The following EEA1 variants were observed in gnomAD, a reference collection of about 807,000 sequenced individuals.
The protein encoded by EEA1 is early endosome antigen 1.
A neutral mutation model predicts 209.2 loss-of-function variants in EEA1; 111 were observed. That is an observed-to-expected ratio of 0.53 (90% confidence interval 0.45 to 0.62). EEA1 has a LOEUF of 0.62. Among genes scored for constraint, EEA1 ranks in the 20% least tolerant of loss-of-function variants. The pLI is 0.00. For missense variants in EEA1, 1,343 were observed against 1,530.8 expected (o/e 0.88, Z 2.05); for synonymous variants, 536 against 540.6 (o/e 0.99, Z 0.12).
At chr12:92,804,342 G>A (rs538431315) in intron 18 of EEA1, among the ~76,000 whole-genome samples, 2 of 152,098 alleles carry the variant, frequency 1.3e-5, no homozygotes, top group Non-Finnish European at 2.9e-5. Flanking sequence ...GGAGGCCAAG[G>A]TGGGCGGATC....
Position 92,781,944 on chromosome 12 carries a change from C to A in EEA1, c.3336+6G>T, listed in dbSNP as rs745391717. On this transcript the variant is annotated splice_donor_region_variant and intron_variant, in intron 23 of 28. Coordinates refer to ENST00000322349, the MANE Select transcript of EEA1 (RefSeq NM_003566.4). ...ATTGTAGATTTAGGTCAGAAACATG[C>A]AATACCTTTTCTTTCTGAATGTCTT... The A allele has an allele frequency of 4.4e-6, 7 of 1,600,980 alleles. No individual in the cohort carries two copies. Among genetic ancestry groups the A allele is most frequent in the Non-Finnish European group, 6.0e-6 (7 of 1,172,550 alleles).
At chr12:92,897,312 C>G (rs557945263) in intron 1 of EEA1, among the ~76,000 whole-genome samples, 56 of 152,246 alleles carry the variant, frequency 3.7e-4, no homozygotes, top group African/African-American at 1.3e-3. Context: ...TGTAGCTTTA[C>G]CCTAGGCTCT....
chr12:92,854,274 T>C (rs902320828), intron 5 of EEA1, among the ~76,000 whole-genome samples: 16 of 152,206 alleles, frequency 1.1e-4, no homozygotes, highest in African/African-American at 3.1e-4. Flanking sequence ...ATTATAAATA[T>C]AGATTCTAAA....
rs181754147 is a variant in EEA1 at position 92,838,301 on chromosome 12, A to G, written c.915+4164T>C. 2.8e-4 allele frequency among the ~76,000 whole-genome samples: 42 copies of G among 152,318 alleles called. No homozygotes were observed. In the East Asian group the frequency reaches 7.0e-3, roughly 25 times the overall value. ...ACATTTCAGCTATCAATATCAAATCATGTCCTTTATTAATAGCTTAATGTT... is the reference window on the plus strand; with the variant it reads ...ACATTTCAGCTATCAATATCAAATCGTGTCCTTTATTAATAGCTTAATGTT... On this transcript the variant is annotated intron_variant, in intron 10 of 28. Transcript: ENST00000322349.
chr12:92,913,204 T>C (rs939597830), intron 1 of EEA1, among the ~76,000 whole-genome samples: 3 of 152,162 alleles, frequency 2.0e-5, no homozygotes, highest in African/African-American at 4.8e-5. Flanking sequence ...CACCAACATG[T>C]TGTTGGTTTT....
intron 21 of EEA1, among the ~76,000 whole-genome samples, chr12:92,790,415 T>C (rs1372694875): frequency 2.0e-5 from 3 of 152,240 alleles, no homozygotes; most frequent in East Asian, 1.9e-4. Context: ...TTTTGAATGA[T>C]GAATGGCTAA....
At chr12:92,784,722 A>G (rs1270997142) in intron 22 of EEA1, among the ~76,000 whole-genome samples, 3 of 152,214 alleles carry the variant, frequency 2.0e-5, no homozygotes, top group African/African-American at 7.2e-5. Context: ...GAACATTTAT[A>G]CTGCCATGCA....
At chr12:92,846,433 T>G (rs1877390586) in intron 9 of EEA1, among the ~76,000 whole-genome samples, 1 of 152,206 alleles carries the variant, frequency 6.6e-6, no homozygotes, top group Non-Finnish European at 1.5e-5. Flanking sequence ...ATTTAAATAC[T>G]TTCATAGCTA....
intron 1 of EEA1, among the ~76,000 whole-genome samples, chr12:92,923,621 C>T (rs1173936451): frequency 1.3e-5 from 2 of 152,120 alleles, no homozygotes; most frequent in African/African-American, 4.8e-5. Flanking sequence ...ACCCCCTCTC[C>T]ACCACATAGT....
intron 10 of EEA1, among the ~76,000 whole-genome samples, chr12:92,839,685 G>T (rs1041967838): frequency 2.0e-5 from 3 of 152,028 alleles, no homozygotes; most frequent in Admixed American, 6.6e-5. Flanking sequence ...ATGAGTTAAT[G>T]TTTTTTAAAT....
chr12:92,802,155 G>A (rs2136666948), intron 19 of EEA1, among the ~76,000 whole-genome samples: 1 of 152,120 alleles, frequency 6.6e-6, no homozygotes, highest in East Asian at 1.9e-4. Flanking sequence ...CAACACACAT[G>A]AGAAAGACTA....
Position 92,812,966 on chromosome 12 carries a change from A to G in EEA1, c.2043+14T>C. 1 of 1,537,564 alleles carries G rather than the reference A, an allele frequency of 6.5e-7. No individual in the cohort carries two copies. The stretch of plus-strand genomic sequence containing the variant: ...GCACTAGGTGATAGTATGAAATTGC[A>G]TCTGTTTCCCTACCTGCTGTTTATC... On this transcript the variant is annotated intron_variant, in intron 16 of 28. Coordinates refer to ENST00000322349, the MANE Select transcript of EEA1 (RefSeq NM_003566.4).
In EEA1 at chr12:92,802,477, G is replaced by A. The variant is rs769176460; in HGVS notation, c.2597C>T (p.Ser866Phe). ...ACTTTTAGAGTTTTTCAAAGAATCA[G>A]AAACTTTTGATAGTTTGTCCTTTAC... ...STVKDKLSKV[S>F]DSLKNSKSEF... Residue 866 changes from serine (S) to phenylalanine (F), a missense_variant, in exon 19 of 29, where the codon TCT becomes TTT. Physicochemically the swap from Ser to Phe is radical, Grantham distance 155. This residue lies in a region of EEA1 where 1,307 missense variants were observed against 1,465.5 expected (regional missense o/e 0.89). Coordinates refer to ENST00000322349, the MANE Select transcript of EEA1 (RefSeq NM_003566.4). 1.3e-6 allele frequency: 2 copies of A among 1,578,518 alleles called. No individual in the cohort carries two copies. Among genetic ancestry groups the A allele is most frequent in the Non-Finnish European group, 1.7e-6 (2 of 1,170,796 alleles).
At chr12:92,822,772 C>T (rs949275556) in intron 13 of EEA1, among the ~76,000 whole-genome samples, 3 of 152,084 alleles carry the variant, frequency 2.0e-5, no homozygotes, top group African/African-American at 4.8e-5. Context: ...ATGTCTCTCT[C>T]GGTTAACATA....
At chr12:92,777,430 A>T (rs1479653597) in intron 27 of EEA1, 113 bp downstream of exon 27, 2 of 1,137,182 alleles carry the variant, frequency 1.8e-6, no homozygotes, top group Non-Finnish European at 2.4e-6. Flanking sequence ...AACAGAGAGT[A>T]GCTATTTGAA....
chr12:92,803,141 T>C (rs1389554533), intron 18 of EEA1, among the ~76,000 whole-genome samples: 1 of 152,074 alleles, frequency 6.6e-6, no homozygotes, highest in African/African-American at 2.4e-5. Context: ...GTCTCTTTCC[T>C]TGAAAACATG....
intron 15 of EEA1, among the ~76,000 whole-genome samples, chr12:92,814,617 A>G (rs1463692797): frequency 6.6e-6 from 1 of 151,884 alleles, no homozygotes; most frequent in Non-Finnish European, 1.5e-5. Flanking sequence ...GGGGGGGGAA[A>G]TGTGGCTATT....
At chr12:92,867,397 A>G (rs1878449786) in intron 2 of EEA1, among the ~76,000 whole-genome samples, 1 of 152,060 alleles carries the variant, frequency 6.6e-6, no homozygotes, top group South Asian at 2.1e-4. Context: ...TAAACATACT[A>G]TATTTTTCTA....
In EEA1 at chr12:92,774,287, C is replaced by T. The variant is rs1207626998; in HGVS notation, c.*1724G>A. The T allele has an allele frequency of 6.6e-6, 1 of 151,312 alleles. No homozygotes were observed. Among genetic ancestry groups the T allele is most frequent in the Non-Finnish European group, 1.5e-5 (1 of 67,486 alleles). 9.4% of individuals were successfully genotyped at this position (151,312 alleles called of 1,614,324 possible). ...GTTTATCCAAGTCCAGGGACTTAAT[C>T]AATGTTCTTAATAGCTAATGACAAC... is the stretch of plus-strand genomic sequence containing the variant. On this transcript the variant is annotated 3_prime_UTR_variant, in exon 29 of 29. Transcript: ENST00000322349.
Sources: allele counts gnomAD v4.1 joint callset (sites outside exome capture counted in the v4.1 genomes callset), GRCh38; gene constraint gnomAD v4.1.1; regional missense constraint gnomAD v4.1.1; transcripts MANE v1.5; gene names NCBI Gene and HGNC (gene_info 2026-07-23, HGNC 2026-07-21).